Variants in MANBA observed in about 807,000 individuals in gnomAD.
MANBA encodes the protein mannosidase beta.
Under a neutral mutation model 111.1 loss-of-function variants are expected in MANBA, and 83 were observed. The observed-to-expected ratio is 0.75, with a 90% CI of 0.63 to 0.90. MANBA has a LOEUF of 0.90. Ranked by LOEUF, MANBA falls within the 40% of genes least tolerant of loss-of-function variation. The probability of loss-of-function intolerance (pLI) is 0.00; values close to 1 mark genes in which losing one functional copy is unlikely to be tolerated. For missense variants in MANBA, 1,036 were observed against 1,069.0 expected (o/e 0.97, Z 0.43); for synonymous variants, 370 against 378.7 (o/e 0.98, Z 0.27).
chr4:102,733,537 T>A (rs1723104796), intron 1 of MANBA, among the ~76,000 whole-genome samples: 1 of 152,150 alleles, frequency 6.6e-6, no homozygotes, highest in Non-Finnish European at 1.5e-5. Context: ...ATTTTTATTT[T>A]TTTGTAGAGA....
intron 1 of MANBA, among the ~76,000 whole-genome samples, chr4:102,730,994 A>G (rs1180135649): frequency 6.6e-6 from 1 of 152,092 alleles, no homozygotes; most frequent in African/African-American, 2.4e-5. Flanking sequence ...ATTTAAAAAA[A>G]TATGTACAAG....
intron 5 of MANBA, among the ~76,000 whole-genome samples, chr4:102,700,748 C>T (rs931888276): frequency 0.027 from 4,167 of 151,838 alleles, 131 homozygotes; most frequent in African/African-American, 0.077. Flanking sequence ...TTATGTTCTT[C>T]TACATTTGCT....
In MANBA at chr4:102,760,774, G is replaced by A. The variant is rs1304575838; in HGVS notation, c.121C>T (p.Pro41Ser). The stretch of plus-strand genomic sequence containing the variant: ...TGCACGCAGCCAGGGACCGCCCCGG[G>A]CAGCTCCAGCGAGCCGTTCCCATTG... The part of the protein sequence containing the change: ...ICNGNGSLEL[P>S]GAVPGCVHSA... Residue 41 changes from proline to serine, a missense_variant, in exon 1 of 17, where the codon CCC becomes TCC. Coordinates refer to ENST00000647097, the MANE Select transcript of MANBA (RefSeq NM_005908.4). The A allele has an allele frequency of 6.4e-7, 1 of 1,551,386 alleles. No homozygotes were observed. Among genetic ancestry groups the A allele is most frequent in the Admixed American group, 2.0e-5 (1 of 51,162 alleles).
chr4:102,725,046 G>C (rs894049559), intron 2 of MANBA, among the ~76,000 whole-genome samples: 1 of 152,106 alleles, frequency 6.6e-6, no homozygotes, highest in Non-Finnish European at 1.5e-5. Flanking sequence ...GGGACAGAAA[G>C]TAAATTAGTG....
chr4:102,637,025 A>C (rs1029316310), intron 14 of MANBA, among the ~76,000 whole-genome samples: 1 of 152,158 alleles, frequency 6.6e-6, no homozygotes, highest in African/African-American at 2.4e-5. Flanking sequence ...TTTATAAAGA[A>C]GGAGTTTCCT....
At chr4:102,754,361 T>A (rs981413973) in intron 1 of MANBA, among the ~76,000 whole-genome samples, 81 of 151,974 alleles carry the variant, frequency 5.3e-4, no homozygotes, top group Middle Eastern at 3.2e-3. Flanking sequence ...GTTAAAAGGA[T>A]CCTCATCAGA....
In MANBA at chr4:102,690,719, G is replaced by C. The variant is rs376480030; in HGVS notation, c.726C>G (p.Val242=). The C allele has an allele frequency of 2.5e-5, 40 of 1,604,246 alleles. No individual in the cohort carries two copies. The African/African-American group carries it at 5.1e-4, about 20-fold the overall frequency. Residue 242 remains valine, a synonymous_variant, in exon 6 of 17, where the codon GTC becomes GTG. Transcript: ENST00000647097. Reference sequence around the variant, plus strand: ...CTTGACCACCAACTGGCTTTGAGCTGACAACATCAAATGTAGACTCTATTT... The same window carrying C: ...CTTGACCACCAACTGGCTTTGAGCTCACAACATCAAATGTAGACTCTATTT... ...NLEIESTFDV[V]SSKPVGGQVI...
At chr4:102,645,912 T>G (rs544372273) in intron 13 of MANBA, among the ~76,000 whole-genome samples, 31 of 152,160 alleles carry the variant, frequency 2.0e-4, no homozygotes, top group Non-Finnish European at 3.8e-4. Flanking sequence ...ACTTAATTGC[T>G]GAAAATTACT....
chr4:102,650,420 C>T (rs1360517644), intron 13 of MANBA, 117 bp downstream of exon 13: 4 of 1,041,820 alleles, frequency 3.8e-6, no homozygotes, highest in African/African-American at 1.6e-5. Context: ...AAAATAAATT[C>T]CTTAACCAGT....
chr4:102,650,671 T>C lies in MANBA; in HGVS notation c.1735A>G (p.Ser579Gly), dbSNP rs376879093. The C allele has an allele frequency of 1.3e-5, 21 of 1,613,278 alleles. No homozygotes were observed. The African/African-American group carries it at 2.8e-4, about 22-fold the overall frequency. ...TGTTGTCGATGAAGTGAAAACTTGC[T>C]ATTGAAAGACCAGTCCTCTGTAGAC... Reference protein sequence around the residue: ...VSSTEDWSFNSKFSLHRQHHE... With the variant: ...VSSTEDWSFNGKFSLHRQHHE... The change falls in exon 13 of 17, where the codon AGC becomes GGC. Residue 579 changes from serine (S) to glycine (G), a missense_variant. Coordinates refer to ENST00000647097, the MANE Select transcript of MANBA (RefSeq NM_005908.4).
chr4:102,684,273 G>C (rs1732109960), intron 7 of MANBA, among the ~76,000 whole-genome samples: 1 of 152,176 alleles, frequency 6.6e-6, no homozygotes, highest in Non-Finnish European at 1.5e-5. Context: ...GAGCAATAGA[G>C]GTGAAATAAG....
chr4:102,636,126 G>C, intron 14 of MANBA, 119 bp from the exon 15 acceptor site: 1 of 862,184 alleles, frequency 1.2e-6, no homozygotes, highest in Non-Finnish European at 1.9e-6. Flanking sequence ...GTGAGGGAGA[G>C]TCAACAGTGG....
chr4:102,643,656 G>A (rs766463503), intron 13 of MANBA, among the ~76,000 whole-genome samples: 1 of 152,104 alleles, frequency 6.6e-6, no homozygotes, highest in Non-Finnish European at 1.5e-5. Context: ...AACTAATGAT[G>A]TTGAGCATCT....
At chr4:102,660,378 C>T (rs1578878470) in intron 11 of MANBA, among the ~76,000 whole-genome samples, 1 of 152,124 alleles carries the variant, frequency 6.6e-6, no homozygotes, top group East Asian at 1.9e-4. Flanking sequence ...ATATCACCTA[C>T]ACTCCAGGTA....
intron 9 of MANBA, among the ~76,000 whole-genome samples, chr4:102,669,703 A>G (rs1424851694): frequency 1.3e-5 from 2 of 152,162 alleles, no homozygotes; most frequent in East Asian, 3.9e-4. Flanking sequence ...AAATTAGGCC[A>G]GGCACGGTGG....
intron 13 of MANBA, among the ~76,000 whole-genome samples, chr4:102,641,820 AT>A (rs1478315413): frequency 6.6e-6 from 1 of 151,928 alleles, no homozygotes; most frequent in East Asian, 1.9e-4. Context: ...AATTTTCAAA[AT>A]TTGAAAAAAT....
intron 10 of MANBA, chr4:102,668,655 G>T: frequency 2.9e-6 from 1 of 350,222 alleles, no homozygotes; most frequent in Non-Finnish European, 5.5e-6. Flanking sequence ...TATAAGTTTA[G>T]TTTGTACATG....
rs1243891566 is a variant in MANBA at position 102,664,708 on chromosome 4, T to C, written c.1462A>G (p.Asn488Asp). The change falls in exon 11 of 17, where the codon AAC (asparagine) becomes GAC (aspartate). Residue 488 changes from asparagine to aspartate, a missense_variant. Asn to Asp is a conservative substitution (Grantham distance 23). Transcript: ENST00000647097. ...IKDYVTLYVK[N>D]IRELVLAGDK... Reference sequence around the variant, plus strand: ...ACTGCCAGTACGAGCTCTCTGATGTTTTTCACATAGAGTGTCACATAGTCC... The same window carrying C: ...ACTGCCAGTACGAGCTCTCTGATGTCTTTCACATAGAGTGTCACATAGTCC... 1 of 1,613,274 alleles carries C rather than the reference T, an allele frequency of 6.2e-7. No homozygotes were observed. The highest frequency in any genetic ancestry group is 1.7e-5 in the Admixed American group (1 of 60,022).
chr4:102,659,220 G>C (rs73834888), intron 11 of MANBA, among the ~76,000 whole-genome samples: 1,552 of 152,250 alleles, frequency 0.01, 31 homozygotes, highest in African/African-American at 0.036. Context: ...TGGCAATTTA[G>C]TGCTGAAACC....
Sources: gnomAD v4.1 joint callset for allele counts (sites outside exome capture counted in the v4.1 genomes callset) on GRCh38, gnomAD v4.1.1 for gene constraint, MANE v1.5 for transcripts, NCBI Gene and HGNC (gene_info 2026-07-23, HGNC 2026-07-21) for gene names.